The following KCNIP4 variants were observed in gnomAD, a reference collection of about 807,000 sequenced individuals.
KCNIP4 encodes Kv channel-interacting protein 4.
Under a neutral mutation model 34.0 loss-of-function variants are expected in KCNIP4, and 12 were observed. The observed-to-expected ratio is 0.35, with a 90% CI of 0.23 to 0.57. KCNIP4 has a LOEUF of 0.57. KCNIP4 is among the 20% of genes least tolerant of loss of function. KCNIP4 has a pLI of 0.83. For missense variants in KCNIP4, 238 were observed against 311.7 expected, an observed-to-expected ratio of 0.76 and a Z score of 1.78; for synonymous variants, 124 against 102.2, an observed-to-expected ratio of 1.21 and a Z score of -1.29.
intron 5 of KCNIP4, among the ~76,000 whole-genome samples, chr4:20,748,730 C>T (rs1410397954): frequency 1.3e-5 from 2 of 149,826 alleles, no homozygotes; most frequent in African/African-American, 4.9e-5. Context: ...ATGAGGTATA[C>T]ATTTCTCACA....
intron 1 of KCNIP4, among the ~76,000 whole-genome samples, chr4:20,956,971 T>C (rs935010579): frequency 6.6e-6 from 1 of 152,092 alleles, no homozygotes; most frequent in Non-Finnish European, 1.5e-5. Flanking sequence ...TTCTGATGTA[T>C]ATAGTTTGAT....
At chr4:21,079,877 C>A (rs545774590) in intron 1 of KCNIP4, among the ~76,000 whole-genome samples, 34 of 151,776 alleles carry the variant, frequency 2.2e-4, no homozygotes, top group South Asian at 1.0e-3. Flanking sequence ...ACCCACAAGC[C>A]AAGTGATGGG....
At chr4:20,815,199 T>G (rs536009906) in intron 3 of KCNIP4, among the ~76,000 whole-genome samples, 1 of 152,328 alleles carries the variant, frequency 6.6e-6, no homozygotes, top group Admixed American at 6.5e-5. Context: ...ACCAATCATC[T>G]GAATCACTAG....
At chr4:21,216,867 AT>A (rs1235532629) in intron 1 of KCNIP4, among the ~76,000 whole-genome samples, 1 of 152,206 alleles carries the variant, frequency 6.6e-6, no homozygotes, top group Non-Finnish European at 1.5e-5. Context: ...AGTGGGAAAG[AT>A]TTCCCAAAGA....
intron 1 of KCNIP4, among the ~76,000 whole-genome samples, chr4:20,991,300 T>C (rs1418989788): frequency 6.6e-6 from 1 of 152,074 alleles, no homozygotes; most frequent in African/African-American, 2.4e-5. Context: ...TAGTGAAGTG[T>C]AAATATTCAG....
intron 1 of KCNIP4, among the ~76,000 whole-genome samples, chr4:21,106,253 T>A (rs1208812559): frequency 6.6e-6 from 1 of 151,758 alleles, no homozygotes; most frequent in East Asian, 1.9e-4. Context: ...AAGCTATTGA[T>A]TATTGCCACA....
intron 1 of KCNIP4, among the ~76,000 whole-genome samples, chr4:21,431,332 G>A (rs1382630877): frequency 2.0e-5 from 3 of 151,982 alleles, no homozygotes; most frequent in Non-Finnish European, 4.4e-5. Flanking sequence ...TTCCAACCAC[G>A]AAAAAGTGAA....
At chr4:21,275,866 CT>C (rs1441831434) in intron 1 of KCNIP4, among the ~76,000 whole-genome samples, 2 of 152,148 alleles carry the variant, frequency 1.3e-5, no homozygotes, top group Non-Finnish European at 2.9e-5. Flanking sequence ...GGTGTCCAAT[CT>C]TTTGGCTTCC....
chr4:21,180,476 A>T (rs1463470319), intron 1 of KCNIP4, among the ~76,000 whole-genome samples: 1 of 152,060 alleles, frequency 6.6e-6, no homozygotes, highest in Non-Finnish European at 1.5e-5. Flanking sequence ...CTTGCCAATA[A>T]GTAAAAAGTA....
chr4:21,669,943 T>A (rs749590912), intron 1 of KCNIP4, among the ~76,000 whole-genome samples: 2 of 152,146 alleles, frequency 1.3e-5, no homozygotes, highest in Non-Finnish European at 2.9e-5. Context: ...ATGATAAAAA[T>A]TATACCTATA....
intron 1 of KCNIP4, among the ~76,000 whole-genome samples, chr4:21,740,545 T>C (rs754396796): frequency 1.7e-4 from 26 of 152,134 alleles, no homozygotes; most frequent in Non-Finnish European, 3.4e-4. Context: ...AGAGCTTTAA[T>C]TGTGCTGGGT....
chr4:21,857,496 C>T (rs996484988), intron 1 of KCNIP4, among the ~76,000 whole-genome samples: 5 of 152,000 alleles, frequency 3.3e-5, no homozygotes, highest in African/African-American at 1.2e-4. Context: ...GAGCTACCCA[C>T]CAGGGTTTTC....
chr4:21,714,785 G>C (rs1271839582), intron 1 of KCNIP4, among the ~76,000 whole-genome samples: 1 of 43,372 alleles, frequency 2.3e-5, no homozygotes, highest in Admixed American at 3.5e-4. Flanking sequence ...ATTTCCCTTT[G>C]ATTATTTTAT....
At position 21,332,641 on chromosome 4, in the gene KCNIP4, G is replaced by A. The variant is rs561315295; in HGVS notation, c.62-449932C>T. ...TCCACTCTCATCCAATCCTTAACAA[G>A]CCCTGCTGTCTTCATCCCAAATAGA... On this transcript the variant is annotated intron_variant, in intron 1 of 8. Transcript: ENST00000382152. Among the ~76,000 whole-genome samples, 17 of 151,930 alleles carry A rather than the reference G, an allele frequency of 1.1e-4. No individual in the cohort carries two copies. In the East Asian group the frequency reaches 3.3e-3, roughly 30 times the overall value.
At chr4:21,866,973 A>C (rs10938862) in intron 1 of KCNIP4, among the ~76,000 whole-genome samples, 1 of 151,856 alleles carries the variant, frequency 6.6e-6, no homozygotes, top group Non-Finnish European at 1.5e-5. Context: ...GGGTTTCACC[A>C]TGTTAGCCAG....
chr4:20,931,334 A>G (rs190400356), intron 1 of KCNIP4, among the ~76,000 whole-genome samples: 89 of 152,246 alleles, frequency 5.8e-4, no homozygotes, highest in Middle Eastern at 6.8e-3. Context: ...TAGTAAGAAA[A>G]ATAGAGTCAT....
chr4:21,528,869 A>AAGGG (rs1410687975), intron 1 of KCNIP4, among the ~76,000 whole-genome samples: 1 of 145,172 alleles, frequency 6.9e-6, no homozygotes, highest in African/African-American at 2.6e-5. Context: ...GGAAGGAAGG[A>AAGGG]AGGGAAATTC....
chr4:21,825,734 G>A (rs563606430), intron 1 of KCNIP4, among the ~76,000 whole-genome samples: 3 of 152,200 alleles, frequency 2.0e-5, no homozygotes, highest in Non-Finnish European at 4.4e-5. Flanking sequence ...CTGGCTCACG[G>A]TTACCTACTA....
intron 5 of KCNIP4, among the ~76,000 whole-genome samples, chr4:20,740,448 C>T (rs897746160): frequency 1.3e-5 from 2 of 152,116 alleles, no homozygotes; most frequent in African/African-American, 4.8e-5. Flanking sequence ...GAATTTTCAA[C>T]CCAGAATTTC....
Sources: allele counts gnomAD v4.1 joint callset (sites outside exome capture counted in the v4.1 genomes callset), GRCh38; gene constraint gnomAD v4.1.1; transcripts MANE v1.5; gene names NCBI Gene and HGNC (gene_info 2026-07-23, HGNC 2026-07-21).